The following PARD3B variants were observed in gnomAD, a reference collection of about 807,000 sequenced individuals.
PARD3B encodes partitioning defective 3 homolog B.
PARD3B carries 103 observed loss-of-function variants against 130.2 expected under a neutral mutation model. The ratio of observed to expected loss-of-function variants is 0.79; its 90% confidence interval spans 0.67 to 0.93. The LOEUF is 0.93. Among genes scored for constraint, PARD3B ranks in the 40% least tolerant of loss-of-function variants. The probability of loss-of-function intolerance (pLI) is 0.00; values close to 1 mark genes in which losing one functional copy is unlikely to be tolerated. For missense variants in PARD3B, 1,609 were observed against 1,499.2 expected (o/e 1.07, Z -1.21); for synonymous variants, 583 against 553.2 (o/e 1.05, Z -0.76).
At chr2:205,072,969 A>T (rs1194293119) in intron 4 of PARD3B, among the ~76,000 whole-genome samples, 2 of 152,296 alleles carry the variant, frequency 1.3e-5, no homozygotes, top group East Asian at 3.9e-4. Context: ...GCAGAAATTA[A>T]ATTTCAGAGG....
intron 15 of PARD3B, among the ~76,000 whole-genome samples, chr2:205,198,549 T>C (rs2036818569): frequency 1.3e-5 from 2 of 152,184 alleles, no homozygotes; most frequent in African/African-American, 4.8e-5. Flanking sequence ...ACACCCACAA[T>C]TGAAGTAATT....
At chr2:204,745,737 G>A (rs1220920916) in intron 2 of PARD3B, among the ~76,000 whole-genome samples, 3 of 151,934 alleles carry the variant, frequency 2.0e-5, no homozygotes, top group Admixed American at 6.6e-5. Context: ...AGAAGGTTGA[G>A]CCAATCTAAT....
rs113854666 is a variant in PARD3B at position 205,507,306 on chromosome 2, C to T, written c.3180+7275C>T. 3.5e-3 allele frequency among the ~76,000 whole-genome samples: 515 copies of T among 147,716 alleles called. 2 individuals carry two copies. The highest frequency in any genetic ancestry group is 0.01 in the African/African-American group (419 of 40,194). On this transcript the variant is annotated intron_variant, in intron 21 of 22. Coordinates refer to ENST00000406610, the MANE Select transcript of PARD3B (RefSeq NM_001302769.2). ...CTCTGCTCACTGCAAGCTCCACCTC[C>T]GGGGTTCACGGCATTCTCCTGCCTC...
In PARD3B at chr2:205,405,475, TC is replaced by T. The variant is rs1466987350; in HGVS notation, c.2741+4353del. On this transcript the variant is annotated intron_variant, in intron 19 of 22. Transcript: ENST00000406610. The surrounding 1 kb of genome is among the most constrained non-coding windows in gnomAD (Gnocchi z 4.1). ...TCCTAGACATCAGAATTGCATTGTG[TC>T]ATATTTCCTGTGGATAATGCAGAGA... 1.3e-5 allele frequency among the ~76,000 whole-genome samples: 2 copies of T among 152,182 alleles called. No individual in the cohort carries two copies. Among genetic ancestry groups the T allele is most frequent in the Admixed American group, 1.3e-4 (2 of 15,278 alleles).
chr2:204,548,565 G>GTA (rs1188741056), intron 1 of PARD3B, among the ~76,000 whole-genome samples: 1 of 152,116 alleles, frequency 6.6e-6, no homozygotes, highest in Non-Finnish European at 1.5e-5. Flanking sequence ...CTAGTACTAT[G>GTA]TATGTTGTTA....
In PARD3B at chr2:205,393,369, A is replaced by C. The variant is rs549361823; in HGVS notation, c.2631-7644A>C. Among the ~76,000 whole-genome samples the C allele has an allele frequency of 1.1e-4, 17 of 152,330 alleles. No homozygotes were observed. In the South Asian group the frequency reaches 3.3e-3, roughly 30 times the overall value. ...TCAGCTAGTTACAGAGTGGACAAAC[A>C]ATCATCCAGGTCCAGAAAATACTAT... On this transcript the variant is annotated intron_variant, in intron 18 of 22. Coordinates refer to ENST00000406610, the MANE Select transcript of PARD3B (RefSeq NM_001302769.2).
rs116327304 is a variant in PARD3B at position 204,976,689 on chromosome 2, C to T, written c.394+11366C>T. Among the ~76,000 whole-genome samples the T allele has an allele frequency of 1.9e-3, 281 of 148,972 alleles. 1 individual carries two copies. Among genetic ancestry groups the T allele is most frequent in the African/African-American group, 6.7e-3 (269 of 40,302 alleles). ...GTGGTGTGATCTCAGCTCACTGCAACCTCCACCCCTGGACTCTAGCAATTC... is the reference window on the plus strand; with the variant it reads ...GTGGTGTGATCTCAGCTCACTGCAATCTCCACCCCTGGACTCTAGCAATTC... On this transcript the variant is annotated intron_variant, in intron 3 of 22. Coordinates refer to ENST00000406610, the MANE Select transcript of PARD3B (RefSeq NM_001302769.2).
At chr2:205,346,519 T>G (rs1461747449) in intron 18 of PARD3B, among the ~76,000 whole-genome samples, 1 of 152,224 alleles carries the variant, frequency 6.6e-6, no homozygotes, top group Non-Finnish European at 1.5e-5. Flanking sequence ...ATGCTTCCCC[T>G]GGCTTACTGT....
chr2:204,619,262 G>C (rs1423530055), intron 1 of PARD3B, among the ~76,000 whole-genome samples: 1 of 152,158 alleles, frequency 6.6e-6, no homozygotes, highest in African/African-American at 2.4e-5. Flanking sequence ...GACCACTGCT[G>C]AGCTCATGTC....
At chr2:204,929,910 T>A (rs1462402876) in intron 2 of PARD3B, among the ~76,000 whole-genome samples, 1 of 152,100 alleles carries the variant, frequency 6.6e-6, no homozygotes, top group East Asian at 1.9e-4. Context: ...TTAATTTAGT[T>A]GATAATATTG....
intron 1 of PARD3B, among the ~76,000 whole-genome samples, chr2:204,575,398 T>C (rs2032206642): frequency 1.3e-5 from 2 of 152,338 alleles, no homozygotes; most frequent in African/African-American, 4.8e-5. Context: ...CTAAGAATTA[T>C]TTAAATAGTT....
chr2:204,757,441 G>A (rs1424375896), intron 2 of PARD3B, among the ~76,000 whole-genome samples: 1 of 151,988 alleles, frequency 6.6e-6, no homozygotes, highest in African/African-American at 2.4e-5. Context: ...CCTTCTTATA[G>A]TAGCCATTCT....
chr2:204,651,850 C>T (rs968410334), intron 1 of PARD3B, among the ~76,000 whole-genome samples: 5 of 152,202 alleles, frequency 3.3e-5, no homozygotes, highest in African/African-American at 1.2e-4. Context: ...CACCCACAGG[C>T]CAAACACCAT....
At chr2:205,354,806 T>A (rs1308085592) in intron 18 of PARD3B, among the ~76,000 whole-genome samples, 1 of 152,184 alleles carries the variant, frequency 6.6e-6, no homozygotes, top group African/African-American at 2.4e-5. Flanking sequence ...TTTGATTGGC[T>A]GTGAAGTTGA....
At chr2:205,508,575 GAAAAA>G (rs11293944) in intron 21 of PARD3B, among the ~76,000 whole-genome samples, 3 of 134,358 alleles carry the variant, frequency 2.2e-5, no homozygotes, top group African/African-American at 2.8e-5. Flanking sequence ...CTTTCTCCAA[GAAAAA>G]AAAAAAAAAA....
At position 205,301,329 on chromosome 2, in the gene PARD3B, G is replaced by A. The variant is rs928924262; in HGVS notation, c.2393-135G>A. On this transcript the variant is annotated intron_variant, in intron 17 of 22. Coordinates refer to ENST00000406610, the MANE Select transcript of PARD3B (RefSeq NM_001302769.2). The surrounding 1 kb of genome is among the most constrained non-coding windows in gnomAD (Gnocchi z 5.2). ...TTAGGCAGTCAGATCTTCAAAGGGC[G>A]CACGTAACCACATAGAAGGGTAGAA... is the stretch of plus-strand genomic sequence containing the variant. 24 of 1,416,398 alleles carry A rather than the reference G, an allele frequency of 1.7e-5. No individual in the cohort carries two copies. Among genetic ancestry groups the A allele is most frequent in the East Asian group, 7.1e-5 (3 of 42,484 alleles). The allele number at this position is 1,416,398 out of a possible 1,614,324, so 87.7% of individuals were successfully genotyped here.
intron 18 of PARD3B, among the ~76,000 whole-genome samples, chr2:205,353,690 C>T (rs1383456284): frequency 1.3e-5 from 2 of 152,092 alleles, no homozygotes; most frequent in Non-Finnish European, 2.9e-5. Flanking sequence ...GGTCATTTGC[C>T]CACCATCCTG....
chr2:204,750,931 C>A (rs1030923941), intron 2 of PARD3B, among the ~76,000 whole-genome samples: 5 of 152,110 alleles, frequency 3.3e-5, no homozygotes, highest in Non-Finnish European at 7.4e-5. Flanking sequence ...TCTACTATTT[C>A]ACCATAGATG....
intron 21 of PARD3B, among the ~76,000 whole-genome samples, chr2:205,519,042 A>G (rs2050915782): frequency 6.6e-6 from 1 of 152,154 alleles, no homozygotes; most frequent in South Asian, 2.1e-4. Context: ...TCAACCTTGG[A>G]AAATCTGATG....
Sources: allele counts gnomAD v4.1 joint callset (sites outside exome capture counted in the v4.1 genomes callset), GRCh38; gene constraint gnomAD v4.1.1; non-coding constraint Gnocchi (gnomAD v3.1); transcripts MANE v1.5; gene names NCBI Gene and HGNC (gene_info 2026-07-23, HGNC 2026-07-21).